Variants in KMT2A observed in about 807,000 individuals in gnomAD.
The protein encoded by KMT2A is lysine methyltransferase 2A.
A neutral mutation model predicts 345.3 loss-of-function variants in KMT2A; 16 were observed. The observed-to-expected ratio is 0.05, with a 90% confidence interval of 0.03 to 0.07. The LOEUF is 0.07. Among genes scored for constraint, KMT2A ranks in the 10% least tolerant of loss-of-function variants. The pLI is 1.00. For missense variants in KMT2A, 3,272 were observed against 4,841.6 expected (o/e 0.68, Z 9.62); for synonymous variants, 1,599 against 1,778.6 (o/e 0.90, Z 2.54).
rs1026963601 is a variant in KMT2A at position 118,510,740 on chromosome 11, T to C, written c.11071+622T>C. 6.6e-6 allele frequency among the ~76,000 whole-genome samples: 1 copy of C among 152,202 alleles called. No individual in the cohort carries two copies. The highest frequency in any genetic ancestry group is 1.9e-4 in the East Asian group (1 of 5,194). On this transcript the variant is annotated intron_variant, in intron 30 of 35. Coordinates refer to ENST00000534358, the MANE Select transcript of KMT2A (RefSeq NM_001197104.2). This position sits in a 1 kb window ranked among gnomAD's most constrained non-coding sequence, Gnocchi z 4.1. ...CAAGCATCTAAGTGTTCATCCACCT[T>C]TGAAGGACTAGTAAATGTTCTCTAG...
intron 1 of KMT2A, among the ~76,000 whole-genome samples, chr11:118,442,541 T>C (rs1555026134): frequency 1.3e-5 from 2 of 152,234 alleles, no homozygotes; most frequent in East Asian, 3.8e-4. Flanking sequence ...TTTTGTGGAC[T>C]CTGAGGTTGT....
rs782549981 is a variant in KMT2A, at chr11:118,497,895, A to G, written c.5665-41A>G. On this transcript the variant is annotated intron_variant, in intron 20 of 35. Coordinates refer to ENST00000534358, the MANE Select transcript of KMT2A (RefSeq NM_001197104.2). This position sits in a 1 kb window ranked among gnomAD's most constrained non-coding sequence, Gnocchi z 4.8. ...AATGCCGAGGAAAACCTCCTTTGGC[A>G]TTATATTCTTTAGGAAAAAAGAAAT... 1.0e-5 allele frequency: 16 copies of G among 1,543,248 alleles called. No homozygotes were observed. Among genetic ancestry groups the G allele is most frequent in the Non-Finnish European group, 1.3e-5 (15 of 1,118,566 alleles).
chr11:118,437,002 C>T (rs953679456), intron 1 of KMT2A, 58 bp downstream of exon 1: 4 of 1,364,408 alleles, frequency 2.9e-6, no homozygotes, highest in East Asian at 3.0e-5. Context: ...AGCCCCCTCC[C>T]CTCCCCCATC....
At chr11:118,485,246 G>GA (rs142250584) in intron 10 of KMT2A, among the ~76,000 whole-genome samples, 2 of 151,962 alleles carry the variant, frequency 1.3e-5, no homozygotes, top group Admixed American at 6.6e-5. Context: ...CTAAATAAGA[G>GA]AAAAAATTAT....
At chr11:118,460,263 C>A (rs1424186248) in intron 1 of KMT2A, among the ~76,000 whole-genome samples, 1 of 152,124 alleles carries the variant, frequency 6.6e-6, no homozygotes, top group Non-Finnish European at 1.5e-5. Context: ...TCTCCATGAA[C>A]CACATACTAA....
At chr11:118,456,239 C>A (rs550172932) in intron 1 of KMT2A, among the ~76,000 whole-genome samples, 2 of 152,230 alleles carry the variant, frequency 1.3e-5, no homozygotes, top group East Asian at 3.9e-4. Context: ...GTGGCTAACA[C>A]CTGTAATCCC....
rs987657479 is a variant in KMT2A at position 118,522,649 on chromosome 11, G to A, written c.*477G>A. The A allele has an allele frequency of 1.0e-4, 23 of 224,828 alleles. No homozygotes were observed. Among genetic ancestry groups the A allele is most frequent in the Non-Finnish European group, 1.1e-4 (12 of 111,738 alleles). The allele number at this position is 224,828 out of a possible 1,614,324, so 13.9% of individuals were successfully genotyped here. On this transcript the variant is annotated 3_prime_UTR_variant, in exon 36 of 36. Coordinates refer to ENST00000534358, the MANE Select transcript of KMT2A (RefSeq NM_001197104.2). This position sits in a 1 kb window ranked among gnomAD's most constrained non-coding sequence, Gnocchi z 5.4. ...CCAGGCCCCACCTACAGCGTCTGTC[G>A]AACAAACAGAGGTCTGGTGGTTTTC...
intron 10 of KMT2A, among the ~76,000 whole-genome samples, chr11:118,485,952 G>A (rs1950221147): frequency 6.6e-6 from 1 of 152,124 alleles, no homozygotes; most frequent in Non-Finnish European, 1.5e-5. Flanking sequence ...GTGTGGTGGC[G>A]GGCGCCTGTA....
chr11:118,451,699 T>C lies in KMT2A; in HGVS notation c.432+14755T>C, dbSNP rs534847809. On this transcript the variant is annotated intron_variant, in intron 1 of 35. Coordinates refer to ENST00000534358, the MANE Select transcript of KMT2A (RefSeq NM_001197104.2). ...GTAGAGATGGGGTCTCACCATCTTA[T>C]GTAGCTGGTCTCGAACTCCCAGGCT... Among the ~76,000 whole-genome samples the C allele has an allele frequency of 7.3e-5, 11 of 151,194 alleles. No individual in the cohort carries two copies. In the South Asian group the frequency reaches 1.5e-3, roughly 20 times the overall value.
intron 23 of KMT2A, 41 bp from the exon 24 acceptor site, chr11:118,499,794 G>A (rs371789726): frequency 9.9e-6 from 14 of 1,419,352 alleles, no homozygotes; most frequent in South Asian, 1.2e-5. Context: ...ATAAAATGAC[G>A]CTCATAATCT....
rs58992225 is a variant in KMT2A, at chr11:118,509,292, T to TA, written c.10900+103dup. 0.076 allele frequency: 65,591 copies of TA among 866,216 alleles called. 821 individuals carry two copies. The highest frequency in any genetic ancestry group is 0.12 in the African/African-American group (6,421 of 55,808). The allele number at this position is 866,216 out of a possible 1,614,324, so 53.7% of individuals were successfully genotyped here. ...ACTTTACCTACTTATTTTCTACATT[T>TA]AAAAAAAAAAATCTAAGCTCCAAAG... On this transcript the variant is annotated intron_variant, in intron 29 of 35. Transcript: ENST00000534358.
chr11:118,466,054 T>G (rs1949837816), intron 1 of KMT2A, among the ~76,000 whole-genome samples: 2 of 152,198 alleles, frequency 1.3e-5, no homozygotes, highest in Admixed American at 1.3e-4. Context: ...AGATAATTTT[T>G]TTATTTTAAA....
rs1245364081 is a variant in KMT2A, at chr11:118,520,617, C to T, written c.11430-185C>T. ...AGTGAGCCGAGATCGCACCACTGGA[C>T]TCCAGCCTGGGCGACAGAGCGAAAC... On this transcript the variant is annotated intron_variant, in intron 33 of 35. Coordinates refer to ENST00000534358, the MANE Select transcript of KMT2A (RefSeq NM_001197104.2). The surrounding 1 kb of genome is among the most constrained non-coding windows in gnomAD (Gnocchi z 4.3). 5.1e-6 allele frequency: 3 copies of T among 587,652 alleles called. No individual in the cohort carries two copies. The highest frequency in any genetic ancestry group is 9.3e-6 in the Non-Finnish European group (3 of 324,324). 36.4% of individuals were successfully genotyped at this position (587,652 alleles called of 1,614,324 possible). A position where few individuals can be genotyped will look rare whatever the true frequency, so the allele number is the denominator to read the frequency against.
At position 118,495,456 on chromosome 11, in the gene KMT2A, C is replaced by G. The variant is rs1160056602; in HGVS notation, c.5364-244C>G. ...ACAGGCATGAGCCACCATGCCCGGCCTCTTTTGAGTTTTTGATAGGGTTAT... is the reference window on the plus strand; with the variant it reads ...ACAGGCATGAGCCACCATGCCCGGCGTCTTTTGAGTTTTTGATAGGGTTAT... On this transcript the variant is annotated intron_variant, in intron 18 of 35. Transcript: ENST00000534358. The surrounding 1 kb of genome is among the most constrained non-coding windows in gnomAD (Gnocchi z 4.1). Among the ~76,000 whole-genome samples, 1 of 152,116 alleles carries G rather than the reference C, an allele frequency of 6.6e-6. No individual in the cohort carries two copies. The highest frequency in any genetic ancestry group is 1.5e-5 in the Non-Finnish European group (1 of 68,028).
chr11:118,452,268 G>T (rs1949554979), intron 1 of KMT2A, among the ~76,000 whole-genome samples: 1 of 152,172 alleles, frequency 6.6e-6, no homozygotes, highest in Non-Finnish European at 1.5e-5. Context: ...AGGCATGGTG[G>T]CTCACACCTG....
chr11:118,453,394 T>A (rs1949579992), intron 1 of KMT2A, among the ~76,000 whole-genome samples: 1 of 147,688 alleles, frequency 6.8e-6, no homozygotes, highest in Admixed American at 6.6e-5. Context: ...GACCACTCCC[T>A]TCTTGGATTT....
chr11:118,470,817 G>A (rs947841060), intron 2 of KMT2A, among the ~76,000 whole-genome samples: 5 of 152,118 alleles, frequency 3.3e-5, no homozygotes, highest in Admixed American at 3.3e-4. Context: ...GTTTATACAA[G>A]GTGTTTTAGA....
chr11:118,494,611 A>G lies in KMT2A; in HGVS notation c.5290-83A>G. ...GTGGCCTGAAATTATCCTCGTATTAACAGAGAAGCTGGTTTGAAGATTTTT... is the reference window on the plus strand; with the variant it reads ...GTGGCCTGAAATTATCCTCGTATTAGCAGAGAAGCTGGTTTGAAGATTTTT... On this transcript the variant is annotated intron_variant, in intron 17 of 35. Coordinates refer to ENST00000534358, the MANE Select transcript of KMT2A (RefSeq NM_001197104.2). This position sits in a 1 kb window ranked among gnomAD's most constrained non-coding sequence, Gnocchi z 5.8. The G allele has an allele frequency of 8.1e-7, 1 of 1,227,096 alleles. No individual in the cohort carries two copies. 76.0% of individuals were successfully genotyped at this position (1,227,096 alleles called of 1,614,324 possible).
chr11:118,453,748 C>A (rs1386243209), intron 1 of KMT2A, among the ~76,000 whole-genome samples: 1 of 152,212 alleles, frequency 6.6e-6, no homozygotes, highest in African/African-American at 2.4e-5. Context: ...ATTATCTCAC[C>A]TAACCTTCAT....
Sources: allele counts gnomAD v4.1 joint callset (sites outside exome capture counted in the v4.1 genomes callset), GRCh38; gene constraint gnomAD v4.1.1; non-coding constraint Gnocchi (gnomAD v3.1); transcripts MANE v1.5; gene names NCBI Gene and HGNC (gene_info 2026-07-23, HGNC 2026-07-21).